Variants in TRAK2 observed in about 807,000 individuals in gnomAD.
The protein encoded by TRAK2 is trafficking kinesin-binding protein 2.
Under a neutral mutation model 104.6 loss-of-function variants are expected in TRAK2, and 81 were observed. That is an observed-to-expected ratio of 0.77 (90% CI 0.65 to 0.93). The LOEUF is 0.93. Ranked by LOEUF, TRAK2 falls within the 40% of genes least tolerant of loss-of-function variation. TRAK2 has a pLI of 0.00. For synonymous variants in TRAK2, 406 were observed against 394.4 expected, an observed-to-expected ratio of 1.03 and a Z score of -0.35; for missense variants, 1,002 against 1,089.0, an observed-to-expected ratio of 0.92 and a Z score of 1.12.
intron 11 of TRAK2, 79 bp from the exon 12 acceptor site, chr2:201,389,582 T>C: frequency 3.5e-6 from 5 of 1,418,076 alleles, no homozygotes; most frequent in Non-Finnish European, 4.9e-6. Flanking sequence ...GTGCAGTCCA[T>C]CAGAAATAAA....
chr2:201,427,713 T>G (rs1452376446), intron 1 of TRAK2, among the ~76,000 whole-genome samples: 2 of 152,196 alleles, frequency 1.3e-5, no homozygotes, highest in African/African-American at 4.8e-5. Flanking sequence ...GGTCAAATGG[T>G]ATTTCTAGTT....
At position 201,386,378 on chromosome 2, in the gene TRAK2, C is replaced by T. The variant is rs1435344110; in HGVS notation, c.1803G>A (p.Gly601=). Residue 601 remains glycine (G), a synonymous_variant, in exon 14 of 16, where the codon GGG becomes GGA. Coordinates refer to ENST00000332624, the MANE Select transcript of TRAK2 (RefSeq NM_015049.3). ...VITKGFTQLP[G]DAIYHISDLE... ...AATCTGAGATGTGATAAATAGCATCCCCGGGCAACTGGGTAAAGCCTTTAG... is the reference window on the plus strand; with the variant it reads ...AATCTGAGATGTGATAAATAGCATCTCCGGGCAACTGGGTAAAGCCTTTAG... 1 of 1,614,136 alleles carries T rather than the reference C, an allele frequency of 6.2e-7. No homozygotes were observed.
intron 1 of TRAK2, among the ~76,000 whole-genome samples, chr2:201,430,630 G>A (rs12995272): frequency 1.3e-5 from 2 of 152,246 alleles, no homozygotes; most frequent in African/African-American, 4.8e-5. Flanking sequence ...CTCTGAGCCA[G>A]GCATGGGATA....
At chr2:201,430,190 G>A (rs750799392) in intron 1 of TRAK2, among the ~76,000 whole-genome samples, 9 of 152,226 alleles carry the variant, frequency 5.9e-5, no homozygotes, top group Non-Finnish European at 1.2e-4. Flanking sequence ...TCCTCTGGAA[G>A]CTTTGTCTCA....
intron 2 of TRAK2, among the ~76,000 whole-genome samples, chr2:201,418,628 T>C (rs775303168): frequency 2.6e-5 from 4 of 152,138 alleles, no homozygotes; most frequent in South Asian, 2.1e-4. Flanking sequence ...CATACACATA[T>C]GACAATGAAA....
rs74732368 is a variant in TRAK2 at position 201,443,324 on chromosome 2, T to C, written c.-200+8026A>G. Reference sequence around the variant, plus strand: ...TATCTGATGTCATCTCTGGTTTATATTGTTGACTACTCCCTGTTTCAACTT... The same window carrying C: ...TATCTGATGTCATCTCTGGTTTATACTGTTGACTACTCCCTGTTTCAACTT... On this transcript the variant is annotated intron_variant, in intron 1 of 15. Coordinates refer to ENST00000332624, the MANE Select transcript of TRAK2 (RefSeq NM_015049.3). Among the ~76,000 whole-genome samples the C allele has an allele frequency of 5.3e-5, 8 of 152,322 alleles. No homozygotes were observed. The East Asian group carries it at 1.4e-3, about 26-fold the overall frequency.
intron 1 of TRAK2, chr2:201,433,511 C>T (rs1951858807): frequency 1.3e-5 from 2 of 152,192 alleles, no homozygotes; most frequent in South Asian, 2.1e-4. Flanking sequence ...GTTTAAACGT[C>T]CAAAACCGTG....
chr2:201,395,254 T>C (rs774882663), intron 8 of TRAK2, 60 bp downstream of exon 8: 206 of 1,411,176 alleles, frequency 1.5e-4, no homozygotes, highest in Admixed American at 6.6e-4. Context: ...GCACTTAGCA[T>C]GGTGCAAGAT....
At chr2:201,436,094 ATTTT>A (rs758508975) in intron 1 of TRAK2, among the ~76,000 whole-genome samples, 2 of 152,210 alleles carry the variant, frequency 1.3e-5, no homozygotes, top group East Asian at 1.9e-4. Flanking sequence ...TAGTTACCAT[ATTTT>A]TTATTTTTCA....
intron 11 of TRAK2, 40 bp downstream of exon 11, chr2:201,389,761 T>C (rs1291318990): frequency 6.6e-7 from 1 of 1,519,584 alleles, no homozygotes; most frequent in South Asian, 1.2e-5. Context: ...TTAATTTCTA[T>C]TCCAATGATT....
intron 1 of TRAK2, among the ~76,000 whole-genome samples, chr2:201,437,182 C>A (rs1439388269): frequency 6.6e-6 from 1 of 152,174 alleles, no homozygotes; most frequent in African/African-American, 2.4e-5. Flanking sequence ...GATATGGCTA[C>A]TGGCTATCTG....
chr2:201,398,924 C>T (rs1365988067), intron 5 of TRAK2, among the ~76,000 whole-genome samples: 2 of 151,996 alleles, frequency 1.3e-5, no homozygotes, highest in Non-Finnish European at 2.9e-5. Context: ...ATGTAACCAT[C>T]CAAGTTAATA....
At chr2:201,384,670 T>C (rs950033258) in intron 14 of TRAK2, among the ~76,000 whole-genome samples, 6 of 152,196 alleles carry the variant, frequency 3.9e-5, no homozygotes, top group Admixed American at 2.0e-4. Flanking sequence ...GAAGGCAAAA[T>C]TGATGGCTCC....
At chr2:201,415,966 C>T (rs559518982) in intron 2 of TRAK2, among the ~76,000 whole-genome samples, 3 of 151,960 alleles carry the variant, frequency 2.0e-5, no homozygotes, top group East Asian at 3.9e-4. Flanking sequence ...AAAAAAAGAA[C>T]ATTAAAGTTT....
At chr2:201,419,171 C>T (rs192454141) in intron 2 of TRAK2, 1 of 152,370 alleles carries the variant, frequency 6.6e-6, no homozygotes, top group African/African-American at 2.4e-5. Flanking sequence ...TACCAGTACA[C>T]ACCTACTAGA....
chr2:201,382,986 TAAAG>T (rs1398270535), intron 15 of TRAK2, among the ~76,000 whole-genome samples: 1 of 152,212 alleles, frequency 6.6e-6, no homozygotes, highest in East Asian at 1.9e-4. Flanking sequence ...TTAATGCACT[TAAAG>T]TAATTATAGT....
rs1216138502 is a variant in TRAK2, at chr2:201,394,946, T to C, written c.901-74A>G. ...AGCTATTCTCTTTCTTATAAAGACATGTGAAGAATTTCTCTCTGGGGTATC... is the reference window on the plus strand; with the variant it reads ...AGCTATTCTCTTTCTTATAAAGACACGTGAAGAATTTCTCTCTGGGGTATC... On this transcript the variant is annotated intron_variant, in intron 8 of 15. Transcript: ENST00000332624. 11 of 1,290,934 alleles carry C rather than the reference T, an allele frequency of 8.5e-6. No individual in the cohort carries two copies. The East Asian group carries it at 1.2e-4, about 14-fold the overall frequency. The allele number at this position is 1,290,934 out of a possible 1,614,324, so 80.0% of individuals were successfully genotyped here. A position where few individuals can be genotyped will look rare whatever the true frequency, so the allele number is the denominator to read the frequency against.
chr2:201,429,454 T>C (rs958261971), intron 1 of TRAK2, among the ~76,000 whole-genome samples: 13 of 152,174 alleles, frequency 8.5e-5, no homozygotes, highest in Non-Finnish European at 1.8e-4. Flanking sequence ...TCCTGAAGAG[T>C]GTTTTCCAAC....
chr2:201,411,703 C>G, intron 2 of TRAK2: 3 of 779,902 alleles, frequency 3.8e-6, no homozygotes, highest in Non-Finnish European at 7.1e-6. Context: ...ATGAGGACTG[C>G]AGACTCTTTG....
Sources: gnomAD v4.1 joint callset for allele counts (sites outside exome capture counted in the v4.1 genomes callset) on GRCh38, gnomAD v4.1.1 for gene constraint, MANE v1.5 for transcripts, NCBI Gene and HGNC (gene_info 2026-07-23, HGNC 2026-07-21) for gene names.